The following ST6GALNAC1 variants were observed in gnomAD, a reference collection of about 807,000 sequenced individuals.
ST6GALNAC1 encodes the protein alpha-N-acetylgalactosaminide alpha-2,6-sialyltransferase 1.
ST6GALNAC1 carries 45 observed loss-of-function variants against 56.8 expected under a neutral mutation model. That is an observed-to-expected ratio of 0.79 (90% CI 0.62 to 1.02). The LOEUF is 1.02. ST6GALNAC1 is among the 50% of genes least tolerant of loss of function. The pLI is 0.00. For synonymous variants in ST6GALNAC1, 295 were observed against 297.8 expected, an observed-to-expected ratio of 0.99 and a Z score of 0.10; for missense variants, 743 against 754.8, an observed-to-expected ratio of 0.98 and a Z score of 0.18.
At chr17:76,643,389 CCT>C (rs1290776246) in intron 1 of ST6GALNAC1, 117 bp downstream of exon 1, 1 of 1,100,088 alleles carries the variant, frequency 9.1e-7, no homozygotes, top group Admixed American at 2.4e-5. Flanking sequence ...ACTCCTGACC[CCT>C]GACACTCCCA....
At chr17:76,626,198 G>A in intron 6 of ST6GALNAC1, 91 bp downstream of exon 6, 1 of 1,544,872 alleles carries the variant, frequency 6.5e-7, no homozygotes, top group Non-Finnish European at 8.9e-7. Flanking sequence ...CCAGGTGATA[G>A]CTAAGGCTGT....
At chr17:76,638,238 A>T (rs1210586633) in intron 1 of ST6GALNAC1, among the ~76,000 whole-genome samples, 1 of 151,954 alleles carries the variant, frequency 6.6e-6, no homozygotes, top group Non-Finnish European at 1.5e-5. Context: ...CTTCCAAAAC[A>T]TATTTATACC....
At chr17:76,622,801 T>TC (rs1281063512), downstream of ST6GALNAC1, among the ~76,000 whole-genome samples, 4 of 147,946 alleles carry the variant, frequency 2.7e-5, no homozygotes, top group African/African-American at 9.8e-5. Context: ...GTCATTTCTT[T>TC]TTTTTTTTTT....
downstream of ST6GALNAC1, among the ~76,000 whole-genome samples, chr17:76,621,842 G>A (rs565729095): frequency 7.9e-5 from 12 of 152,008 alleles, no homozygotes; most frequent in African/African-American, 2.7e-4. Flanking sequence ...AGGTTGCTGG[G>A]TAGAGCTCTC....
At chr17:76,641,496 G>T (rs1340661864) in intron 1 of ST6GALNAC1, among the ~76,000 whole-genome samples, 1 of 152,100 alleles carries the variant, frequency 6.6e-6, no homozygotes, top group Non-Finnish European at 1.5e-5. Flanking sequence ...AAATGACTAA[G>T]AAAGTTAAGA....
Position 76,643,655 on chromosome 17 carries a change from C to A in ST6GALNAC1, c.-17G>T. 6.2e-7 allele frequency: 1 copy of A among 1,613,112 alleles called. No individual in the cohort carries two copies. Among genetic ancestry groups the A allele is most frequent in the South Asian group, 1.1e-5 (1 of 90,974 alleles). ...GGACCTCATGGTGGTGGGTCGGGTTCTAGAGGAAGGTTCTGCATGTCCTGG... is the reference window on the plus strand; with the variant it reads ...GGACCTCATGGTGGTGGGTCGGGTTATAGAGGAAGGTTCTGCATGTCCTGG... On this transcript the variant is annotated 5_prime_UTR_variant, in exon 1 of 9. The change creates a premature stop within an existing upstream ORF in the 5' untranslated region. Coordinates refer to ENST00000156626, the MANE Select transcript of ST6GALNAC1 (RefSeq NM_018414.5).
At chr17:76,639,413 T>G (rs1201332716) in intron 1 of ST6GALNAC1, among the ~76,000 whole-genome samples, 1 of 151,848 alleles carries the variant, frequency 6.6e-6, no homozygotes, top group Non-Finnish European at 1.5e-5. Flanking sequence ...CTGTCTCCAC[T>G]AAAAGTACAA....
intron 1 of ST6GALNAC1, among the ~76,000 whole-genome samples, chr17:76,639,997 C>T (rs1047594386): frequency 4.6e-5 from 7 of 152,074 alleles, no homozygotes; most frequent in African/African-American, 1.4e-4. Flanking sequence ...ATGTTGGGGG[C>T]CCCTGCTGAC....
chr17:76,638,246 AC>A (rs1486871627), intron 1 of ST6GALNAC1, among the ~76,000 whole-genome samples: 2 of 152,120 alleles, frequency 1.3e-5, no homozygotes, highest in African/African-American at 4.8e-5. Flanking sequence ...ACATATTTAT[AC>A]CAGACTATGG....
rs1294317559 is a variant in ST6GALNAC1, at chr17:76,629,716, G to A, written c.132-5C>T. 2.5e-6 allele frequency: 4 copies of A among 1,608,828 alleles called. No homozygotes were observed. The South Asian group carries it at 3.3e-5, about 13-fold the overall frequency. On this transcript the variant is annotated splice_polypyrimidine_tract_variant and splice_region_variant and intron_variant, in intron 1 of 8. Coordinates refer to ENST00000156626, the MANE Select transcript of ST6GALNAC1 (RefSeq NM_018414.5). ...ATGTTCTCTGTGCGTTGATGCCTAGGGACAGAGATAACCTTTGATGAAGGC... is the reference window on the plus strand; with the variant it reads ...ATGTTCTCTGTGCGTTGATGCCTAGAGACAGAGATAACCTTTGATGAAGGC...
rs769469105 is a variant in ST6GALNAC1 at position 76,629,681 on chromosome 17, C to G, written c.162G>C (p.Arg54Ser). The G allele has an allele frequency of 1.2e-6, 2 of 1,613,750 alleles. No homozygotes were observed. The highest frequency in any genetic ancestry group is 1.7e-5 in the Admixed American group (1 of 59,996). ...RHQRTENIKERSLQSLAKPKS... is the reference protein window; with the variant it reads ...RHQRTENIKESSLQSLAKPKS... ...TAGGCTTTGCCAGGGACTGTAGAGA[C>G]CTTTCTTTAATGTTCTCTGTGCGTT... is the stretch of plus-strand genomic sequence containing the variant. Residue 54 changes from arginine (R) to serine (S), a missense_variant, in exon 2 of 9, where the codon AGG becomes AGC. Coordinates refer to ENST00000156626, the MANE Select transcript of ST6GALNAC1 (RefSeq NM_018414.5).
intron 1 of ST6GALNAC1, among the ~76,000 whole-genome samples, chr17:76,631,471 A>G (rs1297084240): frequency 1.3e-5 from 2 of 152,184 alleles, no homozygotes; most frequent in Admixed American, 6.5e-5. Context: ...GGAAAAATTT[A>G]TTATAAGAAT....
At chr17:76,639,928 C>T (rs2076027027) in intron 1 of ST6GALNAC1, among the ~76,000 whole-genome samples, 1 of 151,954 alleles carries the variant, frequency 6.6e-6, no homozygotes, top group Non-Finnish European at 1.5e-5. Flanking sequence ...GAGCGCCTGT[C>T]TTGGAGGGTG....
chr17:76,621,166 T>TTTCC (rs1416154412), downstream of ST6GALNAC1, among the ~76,000 whole-genome samples: 117 of 134,790 alleles, frequency 8.7e-4, no homozygotes, highest in African/African-American at 3.0e-3. Flanking sequence ...TTTTCTTCTC[T>TTTCC]TTTCTTTCTT....
At position 76,629,170 on chromosome 17, in the gene ST6GALNAC1, G is replaced by A; in HGVS notation, c.673C>T (p.Pro225Ser). Residue 225 changes from proline (P) to serine (S), a missense_variant, in exon 2 of 9, where the codon CCA becomes TCA. Transcript: ENST00000156626. Reference sequence around the variant, plus strand: ...GCCTGAGGTTTCTTCTCCTTAGGTGGGATGACTGCTGTGGTCACTCCTTTC... The same window carrying A: ...GCCTGAGGTTTCTTCTCCTTAGGTGAGATGACTGCTGTGGTCACTCCTTTC... ...RQKGVTTAVI[P>S]PKEKKPQATP... 2.5e-6 allele frequency: 4 copies of A among 1,614,092 alleles called. No individual in the cohort carries two copies. In the East Asian group the frequency reaches 6.7e-5, roughly 27 times the overall value.
At chr17:76,639,655 AC>A in intron 1 of ST6GALNAC1, among the ~76,000 whole-genome samples, 1 of 70,512 alleles carries the variant, frequency 1.4e-5, no homozygotes, top group African/African-American at 4.2e-5. Flanking sequence ...ACACACACAC[AC>A]ACACACACAC....
chr17:76,630,587 T>C (rs1488675657), intron 1 of ST6GALNAC1, among the ~76,000 whole-genome samples: 1 of 97,508 alleles, frequency 1.0e-5, no homozygotes, highest in Non-Finnish European at 2.1e-5. Flanking sequence ...GAAACCCTTC[T>C]TTTTTTTTTT....
chr17:76,626,969 A>C, intron 4 of ST6GALNAC1, 98 bp downstream of exon 4: 3 of 1,362,324 alleles, frequency 2.2e-6, no homozygotes, highest in Non-Finnish European at 2.0e-6. Flanking sequence ...CTCTCAGAAG[A>C]GTCCATGTCT....
chr17:76,634,187 A>C lies in ST6GALNAC1; in HGVS notation c.132-4476T>G, dbSNP rs539763596. Among the ~76,000 whole-genome samples the C allele has an allele frequency of 1.6e-3, 242 of 152,284 alleles. 2 individuals are homozygous for C. The highest frequency in any genetic ancestry group is 2.7e-3 in the Non-Finnish European group (185 of 68,012). ...TATGTGGGAATGGCTGGTCACACAG[A>C]ATCGCCTCTACTTACGTCCTTAAGT... On this transcript the variant is annotated intron_variant, in intron 1 of 8. Transcript: ENST00000156626.
Sources: gnomAD v4.1 joint callset for allele counts (sites outside exome capture counted in the v4.1 genomes callset) on GRCh38, gnomAD v4.1.1 for gene constraint, MANE v1.5 for transcripts, NCBI Gene and HGNC (gene_info 2026-07-23, HGNC 2026-07-21) for gene names.